MRPS12: variants seen among roughly 807,000 people sequenced by gnomAD.
MRPS12 encodes the protein small ribosomal subunit protein uS12m.
MRPS12 carries 7 observed loss-of-function variants against 8.4 expected under a neutral mutation model. The ratio of observed to expected loss-of-function variants is 0.83; its 90% CI spans 0.47 to 1.56. The LOEUF (loss-of-function observed/expected upper bound fraction) is 1.56, where lower values mean the gene tolerates loss of function less well. MRPS12 is among the 40% of genes most tolerant of loss of function. MRPS12 has a pLI of 0.01. For missense variants in MRPS12, 200 were observed against 194.1 expected (o/e 1.03, Z -0.18); for synonymous variants, 84 against 84.1 (o/e 1.00, Z 0.01).
In MRPS12 at chr19:38,932,541, C is replaced by T. The variant is rs751678039; in HGVS notation, c.258C>T (p.Ser86=). The T allele has an allele frequency of 6.2e-7, 1 of 1,613,060 alleles. No homozygotes were observed. Among genetic ancestry groups the T allele is most frequent in the Non-Finnish European group, 8.5e-7 (1 of 1,179,426 alleles). Residue 86 remains serine (S), a synonymous_variant, in exon 3 of 3, where the codon AGC becomes AGT. Coordinates refer to ENST00000308018, the MANE Select transcript of MRPS12 (RefSeq NM_033362.4). ...GCAAGTGCTGTCGAGTGCGGCTCAG[C>T]ACTGGCCGCGAGGCCGTCTGCTTCA... ...ANRKCCRVRL[S]TGREAVCFIP...
rs1001086937 is a variant in MRPS12 at position 38,933,025 on chromosome 19, C to T, written c.*325C>T. The T allele has an allele frequency of 1.4e-5, 4 of 290,386 alleles. No homozygotes were observed. The highest frequency in any genetic ancestry group is 2.6e-5 in the Non-Finnish European group (4 of 152,732). 18.0% of individuals were successfully genotyped at this position (290,386 alleles called of 1,614,324 possible). A position where few individuals can be genotyped will look rare whatever the true frequency, so the allele number is the denominator to read the frequency against. The stretch of plus-strand genomic sequence containing the variant: ...CCCTGGCGCTTGTGATGTAAATCCC[C>T]TTGTGGAGTATTTGCCCTCTGTGTG... On this transcript the variant is annotated 3_prime_UTR_variant, in exon 3 of 3. Transcript: ENST00000308018.
chr19:38,931,396 G>T (rs377178580), intron 2 of MRPS12, 53 bp downstream of exon 2: 3 of 1,488,324 alleles, frequency 2.0e-6, no homozygotes, highest in Non-Finnish European at 2.7e-6. Flanking sequence ...AGGGTTATTC[G>T]CTCTTGGACT....
In MRPS12 at chr19:38,932,715, G is replaced by A; in HGVS notation, c.*15G>A. On this transcript the variant is annotated 3_prime_UTR_variant, in exon 3 of 3. Transcript: ENST00000308018. Reference sequence around the variant, plus strand: ...AGAAGAAGTGACGGCTGGGGGCACAGTGGGCTGGGCGCCCCTGCAGAACAT... The same window carrying A: ...AGAAGAAGTGACGGCTGGGGGCACAATGGGCTGGGCGCCCCTGCAGAACAT... 6.2e-7 allele frequency: 1 copy of A among 1,609,642 alleles called. No homozygotes were observed. The highest frequency in any genetic ancestry group is 8.5e-7 in the Non-Finnish European group (1 of 1,179,252).
intron 1 of MRPS12, 105 bp from the exon 2 acceptor site, chr19:38,931,171 G>A: frequency 1.2e-6 from 1 of 862,320 alleles, no homozygotes; most frequent in Middle Eastern, 2.3e-4. Flanking sequence ...GACCTATAGA[G>A]GTATTTCCTT....
At chr19:38,932,010 C>T (rs968533102) in intron 2 of MRPS12, 5 of 220,728 alleles carry the variant, frequency 2.3e-5, no homozygotes, top group Admixed American at 5.6e-5. Context: ...GTGGTGGGTG[C>T]CTGTAGTCCC....
chr19:38,931,307 G>A lies in MRPS12; in HGVS notation c.13G>A (p.Gly5Ser), dbSNP rs143032757. 7.3e-4 allele frequency: 1,172 copies of A among 1,605,676 alleles called. 1 individual carries two copies. Among genetic ancestry groups the A allele is most frequent in the Admixed American group, 1.0e-3 (59 of 58,402 alleles). MSWS[G>S]LLHGLNTSLT... Reference sequence around the variant, plus strand: ...CCCAGGTGGCAGGATGTCCTGGTCTGGCCTTCTCCATGGCCTCAACACGTC... The same window carrying A: ...CCCAGGTGGCAGGATGTCCTGGTCTAGCCTTCTCCATGGCCTCAACACGTC... Residue 5 changes from glycine to serine, a missense_variant, in exon 2 of 3, where the codon GGC (glycine) becomes AGC (serine). Transcript: ENST00000308018.
Position 38,932,493 on chromosome 19 carries a change from GAAGAAGCCC to G in MRPS12, c.213_221del (p.Lys71_Pro73del). The G allele has an allele frequency of 6.2e-7, 1 of 1,613,222 alleles. No individual in the cohort carries two copies. The highest frequency in any genetic ancestry group is 8.5e-7 in the Non-Finnish European group (1 of 1,179,448). On this transcript the variant is annotated inframe_deletion, in exon 3 of 3. Transcript: ENST00000308018. ...TCCTGTGCACGTTTACCCGCAAGCC[GAAGAAGCCC>G]AACTCAGCCAATCGCAAGTGCTGTC... is the stretch of plus-strand genomic sequence containing the variant.
At chr19:38,931,531 C>G in intron 2 of MRPS12, 188 bp downstream of exon 2, 1 of 463,168 alleles carries the variant, frequency 2.2e-6, no homozygotes, top group Non-Finnish European at 3.8e-6. Flanking sequence ...GCGTGTCAAG[C>G]GGCGTTTGGG....
At position 38,932,390 on chromosome 19, in the gene MRPS12, T is replaced by G; in HGVS notation, c.107T>G (p.Met36Arg). The G allele has an allele frequency of 4.4e-6, 7 of 1,597,016 alleles. 1 individual carries two copies. Among genetic ancestry groups the G allele is most frequent in the South Asian group, 2.2e-5 (2 of 89,342 alleles). The change falls in exon 3 of 3, where the codon ATG (methionine) becomes AGG (arginine). Residue 36 changes from methionine (M) to arginine (R), a missense_variant. Transcript: ENST00000308018. Reference sequence around the variant, plus strand: ...TGCTCCATGGCTACCCTGAACCAGATGCACCGCCTGGGGCCCCCCAAGCGG... The same window carrying G: ...TGCTCCATGGCTACCCTGAACCAGAGGCACCGCCTGGGGCCCCCCAAGCGG... Reference protein sequence around the residue: ...ATCSMATLNQMHRLGPPKRPP... With the variant: ...ATCSMATLNQRHRLGPPKRPP...
rs766262829 is a variant in MRPS12, at chr19:38,932,624, G to C, written c.341G>C (p.Arg114Pro). The part of the protein sequence containing the change: ...EHQIVLVEGG[R>P]TQDLPGVKLT... The stretch of plus-strand genomic sequence containing the variant: ...CAGATTGTCCTTGTGGAGGGCGGCC[G>C]CACCCAGGACCTGCCAGGCGTCAAG... The change falls in exon 3 of 3, where the codon CGC becomes CCC. Residue 114 changes from arginine (R) to proline (P), a missense_variant. Coordinates refer to ENST00000308018, the MANE Select transcript of MRPS12 (RefSeq NM_033362.4). 5.0e-6 allele frequency: 8 copies of C among 1,613,474 alleles called. No individual in the cohort carries two copies. The African/African-American group carries it at 6.7e-5, about 13-fold the overall frequency.
chr19:38,932,423 G>C lies in MRPS12; in HGVS notation c.140G>C (p.Arg47Pro), dbSNP rs761146514. Residue 47 changes from arginine (R) to proline (P), a missense_variant, in exon 3 of 3, where the codon CGG becomes CCG. Transcript: ENST00000308018. ...HRLGPPKRPP[R>P]KLGPTEGRPQ... ...CTGGGGCCCCCCAAGCGGCCGCCTC[G>C]GAAGCTGGGCCCCACGGAAGGCCGG... 1 of 1,610,166 alleles carries C rather than the reference G, an allele frequency of 6.2e-7. No homozygotes were observed. Among genetic ancestry groups the C allele is most frequent in the African/African-American group, 1.3e-5 (1 of 74,874 alleles).
rs1300214948 is a variant in MRPS12, at chr19:38,932,495, A to G, written c.212A>G (p.Lys71Arg). Residue 71 changes from lysine (K) to arginine (R), a missense_variant, in exon 3 of 3, where the codon AAG becomes AGG. Transcript: ENST00000308018. ...CTGTGCACGTTTACCCGCAAGCCGA[A>G]GAAGCCCAACTCAGCCAATCGCAAG... ...VVLCTFTRKP[K>R]KPNSANRKCC... 6.2e-7 allele frequency: 1 copy of G among 1,613,144 alleles called. No individual in the cohort carries two copies.
chr19:38,932,660 T>G lies in MRPS12; in HGVS notation c.377T>G (p.Val126Gly). Reference protein sequence around the residue: ...QDLPGVKLTVVRGKYDCGHVQ... With the variant: ...QDLPGVKLTVGRGKYDCGHVQ... Reference sequence around the variant, plus strand: ...CTGCCAGGCGTCAAGCTCACCGTTGTGCGTGGCAAGTACGACTGTGGCCAC... The same window carrying G: ...CTGCCAGGCGTCAAGCTCACCGTTGGGCGTGGCAAGTACGACTGTGGCCAC... The change falls in exon 3 of 3, where the codon GTG becomes GGG. Residue 126 changes from valine (V) to glycine (G), a missense_variant. By Grantham distance (109) the Val-to-Gly change is moderately radical. Coordinates refer to ENST00000308018, the MANE Select transcript of MRPS12 (RefSeq NM_033362.4). 1 of 1,613,692 alleles carries G rather than the reference T, an allele frequency of 6.2e-7. No individual in the cohort carries two copies. Among genetic ancestry groups the G allele is most frequent in the Non-Finnish European group, 8.5e-7 (1 of 1,180,004 alleles).
Position 38,931,352 on chromosome 19 carries a change from G to A in MRPS12, c.49+9G>A. 5 of 1,587,058 alleles carry A rather than the reference G, an allele frequency of 3.2e-6. 1 individual carries two copies. The South Asian group carries it at 3.4e-5, about 11-fold the overall frequency. On this transcript the variant is annotated intron_variant, in intron 2 of 2. Coordinates refer to ENST00000308018, the MANE Select transcript of MRPS12 (RefSeq NM_033362.4). ...CACGTCCCTAACTTGTGGTAAGTGG[G>A]GGACTTGGGCTTCAGGGACGAGGCT... is the stretch of plus-strand genomic sequence containing the variant.
At chr19:38,931,454 G>A in intron 2 of MRPS12, 111 bp downstream of exon 2, 1 of 1,126,352 alleles carries the variant, frequency 8.9e-7, no homozygotes, top group Admixed American at 2.8e-5. Context: ...GGAAAAACAC[G>A]GTGGGGTTTT....
In MRPS12 at chr19:38,930,962, T is replaced by G. The variant is rs931670361; in HGVS notation, c.-56T>G. On this transcript the variant is annotated 5_prime_UTR_variant, in exon 1 of 3. It adds an upstream start codon to the 5' untranslated region. Coordinates refer to ENST00000308018, the MANE Select transcript of MRPS12 (RefSeq NM_033362.4). Reference sequence around the variant, plus strand: ...GCCCGGAAGAGGCTAGAAGCTGGATTCAGCGTGTCCGCGACCTCACCTTTA... The same window carrying G: ...GCCCGGAAGAGGCTAGAAGCTGGATGCAGCGTGTCCGCGACCTCACCTTTA... 3 of 621,544 alleles carry G rather than the reference T, an allele frequency of 4.8e-6. No homozygotes were observed. Among genetic ancestry groups the G allele is most frequent in the Non-Finnish European group, 8.5e-6 (3 of 354,586 alleles). 38.5% of individuals were successfully genotyped at this position (621,544 alleles called of 1,614,324 possible). A position where few individuals can be genotyped will look rare whatever the true frequency, so the allele number is the denominator to read the frequency against.
chr19:38,931,744 T>G, intron 2 of MRPS12: 1 of 166,324 alleles, frequency 6.0e-6, no homozygotes, highest in Non-Finnish European at 1.3e-5. Flanking sequence ...GGTCTCCCTG[T>G]GTCGCCCAGT....
chr19:38,932,159 AAAAG>A (rs1043679440), intron 2 of MRPS12, among the ~76,000 whole-genome samples, 170 bp from the exon 3 acceptor site: 9 of 151,998 alleles, frequency 5.9e-5, no homozygotes, highest in African/African-American at 1.2e-4. Flanking sequence ...AAAAAAAAAA[AAAAG>A]GTAATGCTTC....
chr19:38,931,322 C>T lies in MRPS12; in HGVS notation c.28C>T (p.Leu10Phe), dbSNP rs764632484. The change falls in exon 2 of 3, where the codon CTC becomes TTC. Residue 10 changes from leucine to phenylalanine, a missense_variant. Transcript: ENST00000308018. MSWSGLLHG[L>F]NTSLTCGPAL... ...GTCCTGGTCTGGCCTTCTCCATGGC[C>T]TCAACACGTCCCTAACTTGTGGTAA... is the stretch of plus-strand genomic sequence containing the variant. 6.2e-7 allele frequency: 1 copy of T among 1,602,688 alleles called. No individual in the cohort carries two copies. Among genetic ancestry groups the T allele is most frequent in the Non-Finnish European group, 8.5e-7 (1 of 1,175,014 alleles).
Sources: gnomAD v4.1 joint callset for allele counts (sites outside exome capture counted in the v4.1 genomes callset) on GRCh38, gnomAD v4.1.1 for gene constraint, MANE v1.5 for transcripts, NCBI Gene and HGNC (gene_info 2026-07-23, HGNC 2026-07-21) for gene names.